Variants in GALNT18 observed in about 807,000 individuals in gnomAD.
The protein encoded by GALNT18 is GalNAc-transferase 18.
GALNT18 carries 44 observed loss-of-function variants against 69.5 expected under a neutral mutation model. The ratio of observed to expected loss-of-function variants is 0.63; its 90% confidence interval spans 0.50 to 0.81. The LOEUF is 0.81. Ranked by LOEUF, GALNT18 falls within the 40% of genes least tolerant of loss-of-function variation. The pLI is 0.00. For synonymous variants in GALNT18, 364 were observed against 318.2 expected (o/e 1.14, Z -1.53); for missense variants, 715 against 810.0 (o/e 0.88, Z 1.42).
intron 3 of GALNT18, among the ~76,000 whole-genome samples, chr11:11,416,195 T>C (rs1854852975): frequency 6.6e-6 from 1 of 152,208 alleles, no homozygotes; most frequent in Non-Finnish European, 1.5e-5. Context: ...CTAAGCTCCT[T>C]AGGGAAATGT....
chr11:11,514,765 C>T (rs1857237663), intron 1 of GALNT18, among the ~76,000 whole-genome samples: 1 of 152,160 alleles, frequency 6.6e-6, no homozygotes, highest in Non-Finnish European at 1.5e-5. Flanking sequence ...ACAGACTCAA[C>T]TGAGTGGCAG....
chr11:11,450,431 T>C (rs112100827), intron 1 of GALNT18, among the ~76,000 whole-genome samples: 16 of 152,154 alleles, frequency 1.1e-4, no homozygotes, highest in Non-Finnish European at 1.9e-4. Flanking sequence ...TTCCAAAACA[T>C]AGGCTCCCCC....
chr11:11,534,243 G>T (rs192449620), intron 1 of GALNT18, among the ~76,000 whole-genome samples: 1 of 152,104 alleles, frequency 6.6e-6, no homozygotes, highest in Non-Finnish European at 1.5e-5. Flanking sequence ...GACTCCTATC[G>T]CCAACCTGAT....
intron 3 of GALNT18, among the ~76,000 whole-genome samples, chr11:11,422,958 G>A (rs1855043899): frequency 6.6e-6 from 1 of 152,198 alleles, no homozygotes; most frequent in South Asian, 2.1e-4. Flanking sequence ...TGGTGAAAGA[G>A]GCTCAACCCA....
At chr11:11,380,258 T>C (rs952182433) in intron 3 of GALNT18, among the ~76,000 whole-genome samples, 3 of 152,208 alleles carry the variant, frequency 2.0e-5, no homozygotes, top group East Asian at 1.9e-4. Flanking sequence ...TTTGGAGCCA[T>C]AGAAGACAGA....
chr11:11,304,180 G>A (rs1367841009), intron 9 of GALNT18, among the ~76,000 whole-genome samples: 1 of 152,320 alleles, frequency 6.6e-6, no homozygotes, highest in East Asian at 1.9e-4. Flanking sequence ...TTTTACTGCT[G>A]AGGCCCCTGG....
At chr11:11,278,853 TG>T (rs974554455) in intron 10 of GALNT18, among the ~76,000 whole-genome samples, 1 of 152,196 alleles carries the variant, frequency 6.6e-6, no homozygotes, top group Non-Finnish European at 1.5e-5. Flanking sequence ...AAAGTAGAAT[TG>T]GAATGTTTCT....
intron 10 of GALNT18, among the ~76,000 whole-genome samples, chr11:11,292,367 G>A (rs181931670): frequency 1.8e-4 from 28 of 152,230 alleles, no homozygotes; most frequent in African/African-American, 5.5e-4. Context: ...TCTATAATGG[G>A]AGCTACTAGG....
At chr11:11,388,556 T>C (rs1029687894) in intron 3 of GALNT18, among the ~76,000 whole-genome samples, 1 of 151,270 alleles carries the variant, frequency 6.6e-6, no homozygotes, top group Admixed American at 6.6e-5. Flanking sequence ...GTGGTATAGA[T>C]GCTTCCACCA....
intron 3 of GALNT18, among the ~76,000 whole-genome samples, chr11:11,386,918 T>G (rs1263601316): frequency 6.6e-6 from 1 of 152,128 alleles, no homozygotes; most frequent in Non-Finnish European, 1.5e-5. Context: ...CAGAGTACCA[T>G]CCCAGCAAAG....
In GALNT18 at chr11:11,416,861, A is replaced by C. The variant is rs182849940; in HGVS notation, c.595+15760T>G. Among the ~76,000 whole-genome samples, 65 of 152,312 alleles carry C rather than the reference A, an allele frequency of 4.3e-4. 2 individuals carry two copies. The East Asian group carries it at 0.012, about 28-fold the overall frequency. On this transcript the variant is annotated intron_variant, in intron 3 of 10. Transcript: ENST00000227756. ...CAAAATGATAGCAGCCCAAACCCTG[A>C]GCCAACCCATGAATAGGACTGAGCC...
Position 11,620,745 on chromosome 11 carries a change from GGGACTGCTA to G in GALNT18, c.235+605_235+613del, listed in dbSNP as rs1860172303. Among the ~76,000 whole-genome samples, 1 of 152,136 alleles carries G rather than the reference GGGACTGCTA, an allele frequency of 6.6e-6. No homozygotes were observed. Among genetic ancestry groups the G allele is most frequent in the East Asian group, 1.9e-4 (1 of 5,164 alleles). On this transcript the variant is annotated intron_variant, in intron 1 of 10. Transcript: ENST00000227756. This position sits in a 1 kb window ranked among gnomAD's most constrained non-coding sequence, Gnocchi z 6.9. ...GGACCCGCGGGCTGTGGTGGGGGTA[GGGACTGCTA>G]TAGGTTCAAGCGGCTTTTCAACCAC...
rs1339472298 is a variant in GALNT18 at position 11,583,386 on chromosome 11, A to G, written c.235+37973T>C. ...AGAGCAGCTGACCAGTGCCAAGTAC[A>G]TAGGAGGAGCTCAATTCATACATTC... is the stretch of plus-strand genomic sequence containing the variant. On this transcript the variant is annotated intron_variant, in intron 1 of 10. Transcript: ENST00000227756. This position sits in a 1 kb window ranked among gnomAD's most constrained non-coding sequence, Gnocchi z 4.7. 6.6e-6 allele frequency among the ~76,000 whole-genome samples: 1 copy of G among 152,238 alleles called. No individual in the cohort carries two copies. Among genetic ancestry groups the G allele is most frequent in the African/African-American group, 2.4e-5 (1 of 41,460 alleles).
At chr11:11,457,696 C>T (rs998158788) in intron 1 of GALNT18, among the ~76,000 whole-genome samples, 8 of 152,308 alleles carry the variant, frequency 5.3e-5, no homozygotes, top group Non-Finnish European at 8.8e-5. Flanking sequence ...TCTTGTCCCT[C>T]GGTTTGTGCA....
At chr11:11,433,417 G>C (rs1399493268) in intron 2 of GALNT18, among the ~76,000 whole-genome samples, 2 of 152,248 alleles carry the variant, frequency 1.3e-5, no homozygotes, top group Non-Finnish European at 2.9e-5. Context: ...GGAGCATGAG[G>C]CTCAAAGAGG....
At chr11:11,279,888 A>G (rs1287045961) in intron 10 of GALNT18, among the ~76,000 whole-genome samples, 2 of 152,342 alleles carry the variant, frequency 1.3e-5, no homozygotes, top group South Asian at 2.1e-4. Context: ...GTATGTATCC[A>G]TGTTCTTCAA....
At chr11:11,490,111 G>A (rs1461288524) in intron 1 of GALNT18, among the ~76,000 whole-genome samples, 1 of 152,144 alleles carries the variant, frequency 6.6e-6, no homozygotes, top group Non-Finnish European at 1.5e-5. Context: ...TTTATCATGG[G>A]AGAAGTTTCA....
At chr11:11,484,244 A>T (rs1398117884) in intron 1 of GALNT18, among the ~76,000 whole-genome samples, 1 of 152,182 alleles carries the variant, frequency 6.6e-6, no homozygotes, top group Non-Finnish European at 1.5e-5. Flanking sequence ...CAACAAGCCT[A>T]CTGCTGACCA....
At chr11:11,456,472 C>T (rs934303786) in intron 1 of GALNT18, among the ~76,000 whole-genome samples, 2 of 152,178 alleles carry the variant, frequency 1.3e-5, no homozygotes, top group South Asian at 4.1e-4. Context: ...ACAGCTGCCG[C>T]CTAAAATACC....
Sources: allele counts gnomAD v4.1 joint callset (sites outside exome capture counted in the v4.1 genomes callset), GRCh38; gene constraint gnomAD v4.1.1; non-coding constraint Gnocchi (gnomAD v3.1); transcripts MANE v1.5; gene names NCBI Gene and HGNC (gene_info 2026-07-23, HGNC 2026-07-21).